The following COQ3 variants were observed in gnomAD, a reference collection of about 807,000 sequenced individuals.
COQ3 encodes ubiquinone biosynthesis O-methyltransferase, mitochondrial.
A neutral mutation model predicts 33.1 loss-of-function variants in COQ3; 29 were observed. The observed-to-expected ratio is 0.88, with a 90% CI of 0.65 to 1.19. The LOEUF (loss-of-function observed/expected upper bound fraction) is 1.19, where lower values mean the gene tolerates loss of function less well. Among genes scored for constraint, COQ3 ranks in the 50% most tolerant of loss-of-function variants. The probability of loss-of-function intolerance (pLI) is 0.00; values close to 1 mark genes in which losing one functional copy is unlikely to be tolerated. For synonymous variants in COQ3, 173 were observed against 157.8 expected, an observed-to-expected ratio of 1.10 and a Z score of -0.72; for missense variants, 437 against 430.7, an observed-to-expected ratio of 1.01 and a Z score of -0.13.
At chr6:99,388,026 T>C (rs1774703351) in intron 1 of COQ3, among the ~76,000 whole-genome samples, 1 of 151,994 alleles carries the variant, frequency 6.6e-6, no homozygotes, top group Non-Finnish European at 1.5e-5. Context: ...TAGCCGGGCA[T>C]AGTGGCACAT....
In COQ3 at chr6:99,376,028, T is replaced by C. The variant is rs1774272001; in HGVS notation, c.641A>G (p.Glu214Gly). ...SLEEIVEETAETFDAVVASEV... is the reference protein window; with the variant it reads ...SLEEIVEETAGTFDAVVASEV... Reference sequence around the variant, plus strand: ...AGAAGCTACAACAGCATCAAATGTTTCTGCAGTCTCTTCCACAATCTCTTC... The same window carrying C: ...AGAAGCTACAACAGCATCAAATGTTCCTGCAGTCTCTTCCACAATCTCTTC... The change falls in exon 5 of 7, where the codon GAA (glutamate) becomes GGA (glycine). Residue 214 changes from glutamate to glycine, a missense_variant. Transcript: ENST00000254759. 2 of 1,614,034 alleles carry C rather than the reference T, an allele frequency of 1.2e-6. No homozygotes were observed. The highest frequency in any genetic ancestry group is 8.5e-7 in the Non-Finnish European group (1 of 1,179,994).
intron 1 of COQ3, among the ~76,000 whole-genome samples, chr6:99,384,994 C>T (rs1774582340): frequency 6.6e-6 from 1 of 152,104 alleles, no homozygotes; most frequent in South Asian, 2.1e-4. Context: ...GCCTGTAATC[C>T]CAGCTACCCA....
rs558072051 is a variant in COQ3 at position 99,377,441 on chromosome 6, G to A, written c.431C>T (p.Pro144Leu). 2.5e-6 allele frequency: 4 copies of A among 1,613,100 alleles called. No individual in the cohort carries two copies. Among genetic ancestry groups the A allele is most frequent in the African/African-American group, 1.3e-5 (1 of 74,914 alleles). Residue 144 changes from proline to leucine, a missense_variant, in exon 4 of 7, where the codon CCT becomes CTT. Transcript: ENST00000254759. ...GTCAAGAATCTTCATCCCCAACAAAGGTTTTCCTGGCTGGTGATTAGGAAT... is the reference window on the plus strand; with the variant it reads ...GTCAAGAATCTTCATCCCCAACAAAAGTTTTCCTGGCTGGTGATTAGGAAT... ...KTIPNHQPGK[P>L]LLGMKILDVG...
chr6:99,393,769 C>T (rs897480980), intron 1 of COQ3, among the ~76,000 whole-genome samples: 7 of 152,366 alleles, frequency 4.6e-5, no homozygotes, highest in South Asian at 4.1e-4. Context: ...GATGCATGAC[C>T]TTCAGACTGC....
chr6:99,370,755 GA>G (rs904815743), intron 6 of COQ3, among the ~76,000 whole-genome samples: 4 of 150,118 alleles, frequency 2.7e-5, no homozygotes, highest in African/African-American at 9.8e-5. Flanking sequence ...AGACTTATAT[GA>G]AAAAAAAAGC....
chr6:99,380,406 A>G, intron 2 of COQ3, 65 bp from the exon 3 acceptor site: 1 of 1,487,662 alleles, frequency 6.7e-7, no homozygotes, highest in Admixed American at 1.7e-5. Flanking sequence ...AACATGGGAT[A>G]TTATGTAGAA....
chr6:99,375,409 G>T (rs1295247366), intron 5 of COQ3, among the ~76,000 whole-genome samples: 3 of 149,084 alleles, frequency 2.0e-5, no homozygotes, highest in African/African-American at 4.9e-5. Flanking sequence ...TTTGAGACAG[G>T]GTCTCACTCT....
chr6:99,386,532 A>C (rs371670028), intron 1 of COQ3, among the ~76,000 whole-genome samples: 75 of 152,362 alleles, frequency 4.9e-4, no homozygotes, highest in African/African-American at 1.7e-3. Flanking sequence ...AATTCACCGC[A>C]AAAATCAATA....
chr6:99,370,343 A>ATTTTT (rs1774095777), intron 6 of COQ3, among the ~76,000 whole-genome samples: 6 of 60,448 alleles, frequency 9.9e-5, no homozygotes, highest in African/African-American at 3.9e-4. Flanking sequence ...TCTTTTCTTT[A>ATTTTT]CTTTTTTTTT....
At chr6:99,372,982 A>T (rs998439006) in intron 5 of COQ3, among the ~76,000 whole-genome samples, 1 of 152,218 alleles carries the variant, frequency 6.6e-6, no homozygotes, top group African/African-American at 2.4e-5. Context: ...GCCCTGAAAT[A>T]TTGGAGTATG....
At position 99,376,189 on chromosome 6, in the gene COQ3, G is replaced by T. The variant is rs771217886; in HGVS notation, c.487-7C>A. The T allele has an allele frequency of 1.2e-6, 2 of 1,610,228 alleles. No homozygotes were observed. The highest frequency in any genetic ancestry group is 1.7e-6 in the Non-Finnish European group (2 of 1,178,502). On this transcript the variant is annotated splice_polypyrimidine_tract_variant and splice_region_variant and intron_variant, in intron 4 of 6. Transcript: ENST00000254759. ...CCCCAAGCCGCCCTAGAGGCTAATG[G>T]CATTAAAAAAACTGTTACCCTCAGG...
intron 5 of COQ3, among the ~76,000 whole-genome samples, chr6:99,374,140 A>AT (rs1774220390): frequency 6.6e-6 from 1 of 151,662 alleles, no homozygotes; most frequent in Admixed American, 6.6e-5. Flanking sequence ...AAAAAAAAAA[A>AT]AAATTAATAA....
intron 5 of COQ3, among the ~76,000 whole-genome samples, chr6:99,374,986 CT>C (rs781414728): frequency 0.014 from 1,922 of 140,200 alleles, 26 homozygotes; most frequent in African/African-American, 0.039. Context: ...CAATTTCTTT[CT>C]TTTTTTTTTT....
At chr6:99,374,123 A>AAAAAAAAAAAAAAAAAAAAAAT in intron 5 of COQ3, among the ~76,000 whole-genome samples, 1 of 98,336 alleles carries the variant, frequency 1.0e-5, no homozygotes, top group Non-Finnish European at 2.2e-5. Flanking sequence ...TGACATTAGC[A>AAAAAAAAAAAAAAAAAAAAAAT]AAAAAAAAAA....
chr6:99,374,900 T>C (rs1774241161), intron 5 of COQ3, among the ~76,000 whole-genome samples: 2 of 152,190 alleles, frequency 1.3e-5, no homozygotes, highest in Non-Finnish European at 2.9e-5. Context: ...GCATTTACCA[T>C]GTACAGAATT....
chr6:99,369,550 T>A lies in COQ3; in HGVS notation c.*50A>T. On this transcript the variant is annotated 3_prime_UTR_variant, in exon 7 of 7. Coordinates refer to ENST00000254759, the MANE Select transcript of COQ3 (RefSeq NM_017421.4). ...AAGGATAAATTGTACATTTTTGTATTTGAAAACATCAGATATCCAAGCCAT... is the reference window on the plus strand; with the variant it reads ...AAGGATAAATTGTACATTTTTGTATATGAAAACATCAGATATCCAAGCCAT... 1 of 1,303,664 alleles carries A rather than the reference T, an allele frequency of 7.7e-7. No homozygotes were observed. Among genetic ancestry groups the A allele is most frequent in the South Asian group, 1.3e-5 (1 of 79,412 alleles). 80.8% of individuals were successfully genotyped at this position (1,303,664 alleles called of 1,614,324 possible). A position where few individuals can be genotyped will look rare whatever the true frequency, so the allele number is the denominator to read the frequency against.
Position 99,394,081 on chromosome 6 carries a change from G to A in COQ3, c.99C>T (p.Ser33=), listed in dbSNP as rs199797219. The change falls in exon 1 of 7, where the codon TCC becomes TCT. Residue 33 remains serine, a synonymous_variant. Transcript: ENST00000254759. The stretch of plus-strand genomic sequence containing the variant: ...CTCCGCACACACACTCACCCGCCGA[G>A]GAAATTAAGGGACGCGCAGCTTTTG... ...CNTKAARPLI[S]SAVYVKNQLS... 19 of 1,613,458 alleles carry A rather than the reference G, an allele frequency of 1.2e-5. No individual in the cohort carries two copies. Among genetic ancestry groups the A allele is most frequent in the Non-Finnish European group, 1.5e-5 (18 of 1,179,590 alleles).
chr6:99,383,560 G>A (rs1025820056), intron 2 of COQ3, 138 bp downstream of exon 2: 1 of 579,354 alleles, frequency 1.7e-6, no homozygotes, highest in South Asian at 3.6e-5. Context: ...TAAATTAGTT[G>A]AGACTACTTA....
In COQ3 at chr6:99,394,078, C is replaced by A. The variant is rs540694352; in HGVS notation, c.102G>T (p.Ser34=). The change falls in exon 1 of 7, where the codon TCG becomes TCT. Residue 34 remains serine (S), a synonymous_variant. Coordinates refer to ENST00000254759, the MANE Select transcript of COQ3 (RefSeq NM_017421.4). ...NTKAARPLIS[S]AVYVKNQLSG... is the part of the protein sequence containing the mutation. ...GACCTCCGCACACACACTCACCCGC[C>A]GAGGAAATTAAGGGACGCGCAGCTT... 28 of 1,613,290 alleles carry A rather than the reference C, an allele frequency of 1.7e-5. No homozygotes were observed. In the East Asian group the frequency reaches 2.5e-4, roughly 14 times the overall value.
Sources: allele counts gnomAD v4.1 joint callset (sites outside exome capture counted in the v4.1 genomes callset), GRCh38; gene constraint gnomAD v4.1.1; transcripts MANE v1.5; gene names NCBI Gene and HGNC (gene_info 2026-07-23, HGNC 2026-07-21).